MND1: variants seen among roughly 807,000 people sequenced by gnomAD.
The protein encoded by MND1 is meiotic nuclear divisions 1, also known as meiotic nuclear division protein 1 homolog.
A neutral mutation model predicts 35.1 loss-of-function variants in MND1; 28 were observed. The observed-to-expected ratio is 0.80, with a 90% CI of 0.59 to 1.09. The LOEUF (loss-of-function observed/expected upper bound fraction) is 1.09. Among genes scored for constraint, MND1 ranks in the 50% least tolerant of loss-of-function variants. The pLI is 0.00. For synonymous variants in MND1, 69 were observed against 70.5 expected (o/e 0.98, Z 0.11); for missense variants, 213 against 239.6 (o/e 0.89, Z 0.73).
intron 6 of MND1, among the ~76,000 whole-genome samples, chr4:153,400,992 A>G (rs1287226637): frequency 6.6e-6 from 1 of 152,278 alleles, no homozygotes; most frequent in Non-Finnish European, 1.5e-5. Context: ...GACATGAAAA[A>G]TACACTATGG....
chr4:153,361,369 A>C, intron 4 of MND1: 1 of 430,238 alleles, frequency 2.3e-6, no homozygotes, highest in Non-Finnish European at 4.6e-6. Context: ...ATGTTTTGCT[A>C]TCATTCTGAT....
At chr4:153,408,874 A>G (rs1729592849) in intron 6 of MND1, 97 bp from the exon 7 acceptor site, 2 of 299,448 alleles carry the variant, frequency 6.7e-6, no homozygotes, top group East Asian at 9.1e-5. Context: ...TCATATGAAA[A>G]AATACAAATG....
At chr4:153,351,205 G>A (rs1019848392) in intron 2 of MND1, among the ~76,000 whole-genome samples, 1 of 152,182 alleles carries the variant, frequency 6.6e-6, no homozygotes, top group African/African-American at 2.4e-5. Context: ...GAGGAGAGTG[G>A]TTGGGGAAAT....
intron 6 of MND1, among the ~76,000 whole-genome samples, chr4:153,401,276 G>T (rs539892579): frequency 1.3e-5 from 2 of 152,012 alleles, no homozygotes; most frequent in African/African-American, 4.8e-5. Context: ...TATGAAAATG[G>T]CATCTGAGCC....
chr4:153,390,919 ATG>A (rs149830333), intron 4 of MND1, among the ~76,000 whole-genome samples: 337 of 124,594 alleles, frequency 2.7e-3, no homozygotes, highest in East Asian at 6.2e-3. Flanking sequence ...GTGTGTGTAT[ATG>A]TGTGTGTGTG....
chr4:153,347,388 T>C (rs1165643528), intron 1 of MND1, among the ~76,000 whole-genome samples: 1 of 152,182 alleles, frequency 6.6e-6, no homozygotes. Context: ...GAATTCACTA[T>C]GATTAATTCA....
At chr4:153,385,994 G>A (rs1728846876) in intron 4 of MND1, among the ~76,000 whole-genome samples, 1 of 152,052 alleles carries the variant, frequency 6.6e-6, no homozygotes, top group African/African-American at 2.4e-5. Flanking sequence ...GTGGACTTTG[G>A]ATGATAATGA....
In MND1 at chr4:153,408,958, A is replaced by ATATATATATATAAAT; in HGVS notation, c.467-13_467-12insTATATATATATAAAT. 2 of 1,192,344 alleles carry ATATATATATATAAAT rather than the reference A, an allele frequency of 1.7e-6. No homozygotes were observed. Among genetic ancestry groups the ATATATATATATAAAT allele is most frequent in the Non-Finnish European group, 2.2e-6 (2 of 922,480 alleles). 73.9% of individuals were successfully genotyped at this position (1,192,344 alleles called of 1,614,324 possible). On this transcript the variant is annotated splice_polypyrimidine_tract_variant and intron_variant, in intron 6 of 7. Coordinates refer to ENST00000240488, the MANE Select transcript of MND1 (RefSeq NM_032117.4). ...TAAATACATTTCATTTTATATATAT[A>ATATATATATATAAAT]ATTTTTTTTCAGGCCAAGCAAATAA... is the stretch of plus-strand genomic sequence containing the variant.
At chr4:153,403,258 A>G (rs1729392269) in intron 6 of MND1, among the ~76,000 whole-genome samples, 1 of 152,250 alleles carries the variant, frequency 6.6e-6, no homozygotes, top group East Asian at 1.9e-4. Flanking sequence ...GACCTGGGAC[A>G]GTCCCCACAT....
chr4:153,403,493 T>A (rs1444943445), intron 6 of MND1, among the ~76,000 whole-genome samples: 1 of 152,208 alleles, frequency 6.6e-6, no homozygotes, highest in Non-Finnish European at 1.5e-5. Context: ...GAGACTTAAG[T>A]GGCCACACTT....
At chr4:153,382,773 A>G (rs1027305681) in intron 4 of MND1, among the ~76,000 whole-genome samples, 9 of 152,370 alleles carry the variant, frequency 5.9e-5, no homozygotes, top group African/African-American at 1.4e-4. Flanking sequence ...AAGGAACTGA[A>G]TAACATTACA....
intron 2 of MND1, among the ~76,000 whole-genome samples, chr4:153,351,644 A>G (rs1028501097): frequency 1.3e-5 from 2 of 152,218 alleles, no homozygotes; most frequent in African/African-American, 4.8e-5. Context: ...CAAAGTGAAA[A>G]GCATGGATTC....
chr4:153,356,698 C>G (rs1773352367), intron 3 of MND1, among the ~76,000 whole-genome samples: 1 of 151,718 alleles, frequency 6.6e-6, no homozygotes, highest in Non-Finnish European at 1.5e-5. Flanking sequence ...ATTTGGTAGT[C>G]AAGTCATGTC....
chr4:153,412,854 G>A (rs1170028219), intron 7 of MND1, among the ~76,000 whole-genome samples: 2 of 148,980 alleles, frequency 1.3e-5, no homozygotes, highest in Admixed American at 1.3e-4. Context: ...CGCCAGGCTG[G>A]AGTGTAGTGG....
intron 5 of MND1, among the ~76,000 whole-genome samples, chr4:153,394,695 G>A (rs555904017): frequency 1.3e-4 from 20 of 152,178 alleles, no homozygotes; most frequent in Admixed American, 3.9e-4. Flanking sequence ...CCTAGAAGAG[G>A]ACCTGGTACA....
Position 153,414,950 on chromosome 4 carries a change from T to C in MND1, c.*93T>C. On this transcript the variant is annotated 3_prime_UTR_variant, in exon 8 of 8. Transcript: ENST00000240488. ...AGTGTACTGAATTGTCGTTTGCCTG[T>C]AACTGTGTTTATCATTTTATTAATG... 2.0e-6 allele frequency: 1 copy of C among 510,374 alleles called. No homozygotes were observed. 31.6% of individuals were successfully genotyped at this position (510,374 alleles called of 1,614,324 possible).
chr4:153,350,867 A>G (rs1003015444), intron 2 of MND1, among the ~76,000 whole-genome samples: 1 of 151,886 alleles, frequency 6.6e-6, no homozygotes, highest in African/African-American at 2.4e-5. Flanking sequence ...TTCATCATAT[A>G]CAAATGTGAA....
intron 4 of MND1, among the ~76,000 whole-genome samples, chr4:153,378,616 G>A (rs1031789571): frequency 2.6e-5 from 4 of 152,064 alleles, no homozygotes; most frequent in African/African-American, 9.7e-5. Context: ...TAAGTTTATG[G>A]GTTCATTTTA....
At chr4:153,357,571 G>A (rs1056065001) in intron 3 of MND1, among the ~76,000 whole-genome samples, 1 of 152,188 alleles carries the variant, frequency 6.6e-6, no homozygotes, top group South Asian at 2.1e-4. Context: ...GGAGGAGGAA[G>A]TGGTGTTGCT....
Sources: gnomAD v4.1 joint callset for allele counts (sites outside exome capture counted in the v4.1 genomes callset) on GRCh38, gnomAD v4.1.1 for gene constraint, MANE v1.5 for transcripts, NCBI Gene and HGNC (gene_info 2026-07-23, HGNC 2026-07-21) for gene names.